The following DPP6 variants were observed in gnomAD, a reference collection of about 807,000 sequenced individuals.
DPP6 encodes the protein dipeptidyl peptidase like 6.
Under a neutral mutation model 122.6 loss-of-function variants are expected in DPP6, and 69 were observed. That is an observed-to-expected ratio of 0.56 (90% confidence interval 0.46 to 0.69). The LOEUF (loss-of-function observed/expected upper bound fraction) is 0.69, where lower values mean the gene tolerates loss of function less well. Among genes scored for constraint, DPP6 ranks in the 30% least tolerant of loss-of-function variants. The pLI, the probability that DPP6 is intolerant of heterozygous loss-of-function variation, is 0.00. For missense variants in DPP6, 928 were observed against 1,116.9 expected (o/e 0.83, Z 2.41); for synonymous variants, 418 against 433.1 (o/e 0.97, Z 0.43).
At chr7:154,506,184 A>G (rs1177083096) in intron 3 of DPP6, among the ~76,000 whole-genome samples, 2 of 151,770 alleles carry the variant, frequency 1.3e-5, no homozygotes, top group Non-Finnish European at 1.5e-5. Flanking sequence ...TAACTCTGCT[A>G]TTTGGATGTA....
intron 4 of DPP6, among the ~76,000 whole-genome samples, chr7:154,564,129 T>G (rs1830595474): frequency 1.3e-5 from 2 of 152,160 alleles, no homozygotes; most frequent in African/African-American, 2.4e-5. Flanking sequence ...TGGTCATCTG[T>G]GTCAAGTAAG....
At chr7:153,879,267 G>A in the DPP6 span, among the ~76,000 whole-genome samples, 33 of 152,340 alleles carry the variant, frequency 2.2e-4, no homozygotes, top group Non-Finnish European at 4.3e-4. Context: ...GTTGGTGGTA[G>A]GGAAGCTGCA....
intron 1 of DPP6, among the ~76,000 whole-genome samples, chr7:154,260,403 A>G (rs930976433): frequency 6.6e-6 from 1 of 152,036 alleles, no homozygotes; most frequent in Admixed American, 6.6e-5. Context: ...CCCAAGCAGT[A>G]TACACTGCAC....
At chr7:154,213,562 A>G (rs1799849070) in intron 1 of DPP6, among the ~76,000 whole-genome samples, 1 of 152,188 alleles carries the variant, frequency 6.6e-6, no homozygotes, top group Non-Finnish European at 1.5e-5. Flanking sequence ...TGCACGTCCA[A>G]GAAGCCTCGC....
intron 1 of DPP6, among the ~76,000 whole-genome samples, chr7:154,270,250 C>T (rs1803699858): frequency 6.6e-6 from 1 of 152,126 alleles, no homozygotes. Context: ...GGTTTTGCAG[C>T]ATGTGCCGTA....
At chr7:153,912,515 T>C (rs1261488540) in intron 1 of DPP6, among the ~76,000 whole-genome samples, 1 of 152,196 alleles carries the variant, frequency 6.6e-6, no homozygotes, top group Non-Finnish European at 1.5e-5. Context: ...AATTTGGTGC[T>C]TAGAAGGATT....
intron 1 of DPP6, among the ~76,000 whole-genome samples, chr7:154,365,127 T>A (rs1367661252): frequency 6.6e-6 from 1 of 152,166 alleles, no homozygotes; most frequent in Non-Finnish European, 1.5e-5. Context: ...AGCAGCTTCA[T>A]CCACCATTAT....
intron 3 of DPP6, among the ~76,000 whole-genome samples, chr7:154,485,178 G>A (rs1341278499): frequency 6.6e-6 from 1 of 151,974 alleles, no homozygotes; most frequent in Non-Finnish European, 1.5e-5. Flanking sequence ...CCCAGGAAGG[G>A]CAGGCTTCGT....
At chr7:153,795,115 C>T in the DPP6 span, among the ~76,000 whole-genome samples, 2 of 152,174 alleles carry the variant, frequency 1.3e-5, no homozygotes, top group Non-Finnish European at 2.9e-5. Flanking sequence ...TCTTATTACC[C>T]TTTTAATATT....
At chr7:154,335,490 C>T (rs752447917) in intron 1 of DPP6, among the ~76,000 whole-genome samples, 1 of 152,204 alleles carries the variant, frequency 6.6e-6, no homozygotes, top group East Asian at 1.9e-4. Context: ...AATGTGCAGA[C>T]GTAGGTCATA....
chr7:154,471,764 A>G (rs1283729819), intron 2 of DPP6, among the ~76,000 whole-genome samples: 1 of 152,220 alleles, frequency 6.6e-6, no homozygotes, highest in African/African-American at 2.4e-5. Flanking sequence ...AAAGAAATTT[A>G]AATCAATAGG....
chr7:154,221,384 A>G (rs949959589), intron 1 of DPP6, among the ~76,000 whole-genome samples: 2 of 151,860 alleles, frequency 1.3e-5, no homozygotes, highest in Non-Finnish European at 2.9e-5. Flanking sequence ...CAAATGATCC[A>G]CCCACTTCGG....
the DPP6 span, among the ~76,000 whole-genome samples, chr7:153,835,294 G>C: frequency 6.6e-6 from 1 of 152,050 alleles, no homozygotes; most frequent in Non-Finnish European, 1.5e-5. Flanking sequence ...TAAAAATAAA[G>C]GCTGTCTTCC....
intron 10 of DPP6, among the ~76,000 whole-genome samples, chr7:154,778,746 A>C (rs1446924410): frequency 2.7e-5 from 4 of 146,064 alleles, no homozygotes; most frequent in Non-Finnish European, 4.5e-5. Flanking sequence ...ACAACTTCCA[A>C]CACCACCTTC....
At chr7:153,855,077 G>T in the DPP6 span, among the ~76,000 whole-genome samples, 1 of 117,092 alleles carries the variant, frequency 8.5e-6, no homozygotes, top group Non-Finnish European at 1.8e-5. Context: ...ATCACACTCT[G>T]GGGACTGTTG....
intron 1 of DPP6, among the ~76,000 whole-genome samples, chr7:154,113,394 C>CATATATATATATATATATATAT (rs143477890): frequency 2.9e-5 from 4 of 139,416 alleles, no homozygotes; most frequent in Admixed American, 1.4e-4. Context: ...TGTTTTCCTA[C>CATATATATATATATATATATAT]ATATATATAT....
intron 1 of DPP6, among the ~76,000 whole-genome samples, chr7:153,971,677 G>T (rs568391895): frequency 7.1e-6 from 1 of 140,344 alleles, no homozygotes; most frequent in Non-Finnish European, 1.6e-5. Flanking sequence ...GAATTTTGAC[G>T]TGTGATTATT....
chr7:153,934,056 G>A (rs1029786824), intron 1 of DPP6, among the ~76,000 whole-genome samples: 1 of 152,234 alleles, frequency 6.6e-6, no homozygotes, highest in African/African-American at 2.4e-5. Context: ...CTGGGCCTTT[G>A]CAGATGAAAG....
the DPP6 span, among the ~76,000 whole-genome samples, chr7:153,792,690 T>G: frequency 1.3e-5 from 2 of 151,930 alleles, no homozygotes; most frequent in Admixed American, 6.6e-5. Context: ...GATTGGAAGT[T>G]TATTTTAAAA....
Sources: gnomAD v4.1 joint callset for allele counts (sites outside exome capture counted in the v4.1 genomes callset) on GRCh38, gnomAD v4.1.1 for gene constraint, MANE v1.5 for transcripts, NCBI Gene and HGNC (gene_info 2026-07-23, HGNC 2026-07-21) for gene names.